The following ANKAR variants were observed in gnomAD, a reference collection of about 807,000 sequenced individuals.
ANKAR encodes ankyrin and armadillo repeat-containing protein.
In ANKAR, 136 loss-of-function variants were observed where a neutral mutation model predicts 146.2. The observed-to-expected ratio is 0.93, with a 90% confidence interval of 0.81 to 1.07. ANKAR has a LOEUF of 1.07. Ranked by LOEUF, ANKAR falls within the 50% of genes least tolerant of loss-of-function variation. The pLI is 0.00. For missense variants in ANKAR, 1,567 were observed against 1,679.9 expected (o/e 0.93, Z 1.18); for synonymous variants, 500 against 575.8 (o/e 0.87, Z 1.88).
Position 189,708,028 on chromosome 2 carries a change from T to C in ANKAR, c.2119+882T>C, listed in dbSNP as rs10202808. On this transcript the variant is annotated intron_variant, in intron 9 of 22. Coordinates refer to ENST00000684021, the MANE Select transcript of ANKAR (RefSeq NM_001378068.1). ...CAAGGCTAGAATTCTCCTTCAGAAA[T>C]AGAAAGGAGAGGGACCCGGGAAACT... 3.2e-3 allele frequency among the ~76,000 whole-genome samples: 487 copies of C among 151,984 alleles called. 1 individual carries two copies. Among genetic ancestry groups the C allele is most frequent in the African/African-American group, 0.011 (473 of 41,460 alleles).
chr2:189,724,359 G>A (rs2041637086), intron 12 of ANKAR, among the ~76,000 whole-genome samples: 1 of 152,176 alleles, frequency 6.6e-6, no homozygotes, highest in African/African-American at 2.4e-5. Context: ...TATGATCCAT[G>A]TTTCCAGCAT....
intron 17 of ANKAR, among the ~76,000 whole-genome samples, chr2:189,734,669 C>T (rs756242862): frequency 2.8e-4 from 42 of 152,128 alleles, no homozygotes; most frequent in Non-Finnish European, 5.4e-4. Flanking sequence ...AAATTTTATT[C>T]TACTGTGGTA....
chr2:189,745,027 C>CTACTAATAATAATAA (rs376824673), intron 22 of ANKAR, among the ~76,000 whole-genome samples: 12 of 131,116 alleles, frequency 9.2e-5, no homozygotes, highest in Admixed American at 4.9e-4. Context: ...ACTACTACTA[C>CTACTAATAATAATAA]TAATAATACA....
chr2:189,742,886 AC>A (rs1559147309), intron 20 of ANKAR, among the ~76,000 whole-genome samples: 4 of 128,978 alleles, frequency 3.1e-5, no homozygotes. Flanking sequence ...ACACACACAC[AC>A]ACACACTAGA....
intron 18 of ANKAR, among the ~76,000 whole-genome samples, chr2:189,758,417 C>G (rs375645532): frequency 6.6e-6 from 1 of 151,874 alleles, no homozygotes; most frequent in African/African-American, 2.4e-5. Context: ...CCTCACCCCC[C>G]CTCTCTCGGT....
At chr2:189,742,566 T>TAATA (rs1025084468) in intron 20 of ANKAR, among the ~76,000 whole-genome samples, 3 of 152,036 alleles carry the variant, frequency 2.0e-5, no homozygotes, top group African/African-American at 7.2e-5. Flanking sequence ...TTTTTTAAAG[T>TAATA]AATAAATAAA....
At position 189,728,066 on chromosome 2, in the gene ANKAR, C is replaced by T. The variant is rs1210527940; in HGVS notation, c.2846C>T (p.Ser949Leu). The T allele has an allele frequency of 5.6e-6, 9 of 1,612,732 alleles. No homozygotes were observed. The highest frequency in any genetic ancestry group is 1.3e-5 in the African/African-American group (1 of 74,964). The stretch of plus-strand genomic sequence containing the variant: ...ATACAGAAAGCATTTCTGGAAAAAT[C>T]GTTAACTAAATATCTTTTAAAACTC... ...ALIQKAFLEK[S>L]LTKYLLKLLK... Residue 949 changes from serine to leucine, a missense_variant, in exon 13 of 23, where the codon TCG becomes TTG. Coordinates refer to ENST00000684021, the MANE Select transcript of ANKAR (RefSeq NM_001378068.1).
rs111285603 is a variant in ANKAR, at chr2:189,728,095, A to G, written c.2875A>G (p.Lys959Glu). The G allele has an allele frequency of 1.4e-5, 23 of 1,602,102 alleles. No homozygotes were observed. The African/African-American group carries it at 2.0e-4, about 14-fold the overall frequency. ...AACTAAATATCTTTTAAAACTCCTA[A>G]AGGTAGGAATTTTATGATTACTGGT... Reference protein sequence around the residue: ...SLTKYLLKLLKAFQIDVKEQG... With the variant: ...SLTKYLLKLLEAFQIDVKEQG... Residue 959 changes from lysine (K) to glutamate (E), a missense_variant and splice_region_variant, in exon 13 of 23, where the codon AAG becomes GAG. Transcript: ENST00000684021.
chr2:189,705,799 C>T (rs761670329), intron 8 of ANKAR, among the ~76,000 whole-genome samples: 15 of 152,134 alleles, frequency 9.9e-5, no homozygotes, highest in Non-Finnish European at 1.5e-4. Context: ...ATTTTAGCTG[C>T]GGATCAGTAT....
chr2:189,757,388 G>C (rs908508986), intron 18 of ANKAR, among the ~76,000 whole-genome samples: 3 of 152,192 alleles, frequency 2.0e-5, no homozygotes, highest in African/African-American at 7.2e-5. Flanking sequence ...TTTCCATGCT[G>C]TTTCACAATG....
intron 10 of ANKAR, among the ~76,000 whole-genome samples, chr2:189,711,609 A>T (rs963243242): frequency 1.3e-5 from 2 of 152,304 alleles, no homozygotes; most frequent in African/African-American, 4.8e-5. Context: ...CACTAATAAA[A>T]TGGCTCTACT....
At chr2:189,704,437 G>A (rs935182767) in intron 7 of ANKAR, among the ~76,000 whole-genome samples, 10 of 149,964 alleles carry the variant, frequency 6.7e-5, no homozygotes, top group South Asian at 2.1e-4. Flanking sequence ...GAGCCACTGC[G>A]CCCAGCCCAT....
At chr2:189,762,545 G>A (rs919541638), downstream of ANKAR, 32 of 967,894 alleles carry the variant, frequency 3.3e-5, no homozygotes, top group Non-Finnish European at 3.9e-5. Flanking sequence ...TTCGGGCCAA[G>A]AAAGCTGCAG....
downstream of ANKAR, chr2:189,750,445 C>G: frequency 2.4e-6 from 1 of 411,060 alleles, no homozygotes. Flanking sequence ...GGTAAAACAT[C>G]AAATAGAAAA....
At chr2:189,744,321 A>G (rs920762391) in intron 21 of ANKAR, among the ~76,000 whole-genome samples, 3 of 152,226 alleles carry the variant, frequency 2.0e-5, no homozygotes, top group African/African-American at 4.8e-5. Context: ...TAACATTATA[A>G]TTGATAATTC....
In ANKAR at chr2:189,731,454, A is replaced by G. The variant is rs1343849714; in HGVS notation, c.3300+853A>G. Among the ~76,000 whole-genome samples, 8 of 149,522 alleles carry G rather than the reference A, an allele frequency of 5.4e-5. No individual in the cohort carries two copies. In the East Asian group the frequency reaches 7.9e-4, roughly 15 times the overall value. On this transcript the variant is annotated intron_variant, in intron 16 of 22. Coordinates refer to ENST00000684021, the MANE Select transcript of ANKAR (RefSeq NM_001378068.1). ...AATGGTGCCATCTCAGCTCACTGCA[A>G]CCTCCACCTCCTGGGTTCAAGTGAT...
Position 189,730,558 on chromosome 2 carries a change from T to G in ANKAR, c.3257T>G (p.Val1086Gly), listed in dbSNP as rs149575725. 781 of 1,603,946 alleles carry G rather than the reference T, an allele frequency of 4.9e-4. 1 individual carries two copies. Among genetic ancestry groups the G allele is most frequent in the African/African-American group, 3.3e-3 (249 of 74,438 alleles). ...QLVVDENAFP[V>G]LIQLLRNHPS... ...GTTGTAGATGAAAATGCCTTTCCAG[T>G]ACTTATCCAACTACTAAGAAATCAC... is the stretch of plus-strand genomic sequence containing the variant. The change falls in exon 16 of 23, where the codon GTA becomes GGA. Residue 1086 changes from valine (V) to glycine (G), a missense_variant. Physicochemically the swap from Val to Gly is moderately radical, Grantham distance 109 (BLOSUM62 -3). Coordinates refer to ENST00000684021, the MANE Select transcript of ANKAR (RefSeq NM_001378068.1).
At position 189,676,765 on chromosome 2, in the gene ANKAR, C is replaced by G; in HGVS notation, c.275C>G (p.Thr92Ser). ...TAILLTPVDP[T>S]ALLDYREVHQ... Reference sequence around the variant, plus strand: ...ATCCTACTGACTCCCGTGGACCCTACTGCCCTCTTAGACTATAGAGAGGTC... The same window carrying G: ...ATCCTACTGACTCCCGTGGACCCTAGTGCCCTCTTAGACTATAGAGAGGTC... The change falls in exon 2 of 23, where the codon ACT (threonine) becomes AGT (serine). Residue 92 changes from threonine to serine, a missense_variant. Transcript: ENST00000684021. 1 of 1,614,160 alleles carries G rather than the reference C, an allele frequency of 6.2e-7. No homozygotes were observed. Among genetic ancestry groups the G allele is most frequent in the Non-Finnish European group, 8.5e-7 (1 of 1,180,004 alleles).
chr2:189,701,379 C>G (rs2038032879), intron 7 of ANKAR, among the ~76,000 whole-genome samples: 1 of 152,084 alleles, frequency 6.6e-6, no homozygotes, highest in African/African-American at 2.4e-5. Flanking sequence ...ACTACAGGCC[C>G]ATGCCACCAT....
Sources: allele counts gnomAD v4.1 joint callset (sites outside exome capture counted in the v4.1 genomes callset), GRCh38; gene constraint gnomAD v4.1.1; transcripts MANE v1.5; gene names NCBI Gene and HGNC (gene_info 2026-07-23, HGNC 2026-07-21).